Variants in CLYBL observed in about 807,000 individuals in gnomAD.
CLYBL encodes citramalyl-CoA lyase, mitochondrial.
In CLYBL, 31 loss-of-function variants were observed where a neutral mutation model predicts 38.9. That is an observed-to-expected ratio of 0.80 (90% CI 0.60 to 1.08). The LOEUF is 1.08. Among genes scored for constraint, CLYBL ranks in the 50% least tolerant of loss-of-function variants. The pLI is 0.00. For synonymous variants in CLYBL, 171 were observed against 158.6 expected (o/e 1.08, Z -0.59); for missense variants, 434 against 411.6 (o/e 1.05, Z -0.47).
chr13:99,737,304 T>C (rs1016588577), intron 1 of CLYBL, among the ~76,000 whole-genome samples: 3 of 152,214 alleles, frequency 2.0e-5, no homozygotes, highest in Non-Finnish European at 4.4e-5. Context: ...GGGGCAAGTG[T>C]CTTCTCAGCC....
At chr13:99,639,659 G>A (rs2047067156) in intron 1 of CLYBL, among the ~76,000 whole-genome samples, 2 of 152,186 alleles carry the variant, frequency 1.3e-5, no homozygotes, top group Admixed American at 1.3e-4. Context: ...TTGGGAGACC[G>A]AGGTAGGAGG....
At chr13:99,746,169 A>G (rs572600273) in intron 1 of CLYBL, among the ~76,000 whole-genome samples, 1 of 152,082 alleles carries the variant, frequency 6.6e-6, no homozygotes, top group Non-Finnish European at 1.5e-5. Flanking sequence ...CATTAATTTG[A>G]CACGTTTAGC....
chr13:99,725,002 C>T (rs1446869498), intron 1 of CLYBL, among the ~76,000 whole-genome samples: 1 of 152,162 alleles, frequency 6.6e-6, no homozygotes, highest in African/African-American at 2.4e-5. Flanking sequence ...TAGATAATTT[C>T]AGTCAATTTG....
At chr13:99,835,012 C>T (rs988626692) in intron 2 of CLYBL, among the ~76,000 whole-genome samples, 11 of 152,338 alleles carry the variant, frequency 7.2e-5, no homozygotes, top group African/African-American at 2.6e-4. Context: ...CTTCCTAACA[C>T]ACACAGTGAG....
At chr13:99,864,760 C>A in intron 4 of CLYBL, 58 bp from the exon 5 acceptor site, 1 of 1,189,242 alleles carries the variant, frequency 8.4e-7, no homozygotes, top group Non-Finnish European at 1.3e-6. Context: ...TGCACCGTGC[C>A]TCTTCCCTCT....
chr13:99,608,261 C>A (rs150805033), intron 1 of CLYBL, among the ~76,000 whole-genome samples: 6,132 of 151,634 alleles, frequency 0.04, 428 homozygotes, highest in African/African-American at 0.14. Context: ...TTAATAGAGA[C>A]GAGGTTTCAC....
chr13:99,676,207 T>TC (rs2047645570), intron 1 of CLYBL, among the ~76,000 whole-genome samples: 1 of 73,530 alleles, frequency 1.4e-5, no homozygotes. Context: ...CTTCCTTCCT[T>TC]CCTTCCTTCC....
chr13:99,716,395 C>CTT (rs71689410), intron 1 of CLYBL, among the ~76,000 whole-genome samples: 1 of 135,266 alleles, frequency 7.4e-6, no homozygotes, highest in South Asian at 2.4e-4. Context: ...CTTTTCTTTT[C>CTT]TTTTTTTTTT....
chr13:99,777,216 A>T (rs1453908064), intron 2 of CLYBL, among the ~76,000 whole-genome samples: 1 of 152,116 alleles, frequency 6.6e-6, no homozygotes, highest in Non-Finnish European at 1.5e-5. Context: ...GAATGTGCTT[A>T]TTCAGAAACC....
intron 2 of CLYBL, among the ~76,000 whole-genome samples, chr13:99,833,003 C>CATATATAT (rs1566345646): frequency 1.6e-4 from 12 of 73,300 alleles, no homozygotes; most frequent in African/African-American, 5.3e-4. Context: ...TACATACATA[C>CATATATAT]ATACATATAT....
chr13:99,626,446 G>T (rs1345103109), intron 1 of CLYBL, among the ~76,000 whole-genome samples: 1 of 152,146 alleles, frequency 6.6e-6, no homozygotes, highest in Admixed American at 6.5e-5. Flanking sequence ...ATCTCTTTCG[G>T]CCTCCATCAA....
chr13:99,775,398 G>A (rs2049490897), intron 2 of CLYBL, among the ~76,000 whole-genome samples: 1 of 152,172 alleles, frequency 6.6e-6, no homozygotes, highest in Non-Finnish European at 1.5e-5. Flanking sequence ...CCATCTTGAA[G>A]TACATATGTC....
intron 1 of CLYBL, among the ~76,000 whole-genome samples, chr13:99,678,724 T>C (rs981469389): frequency 6.6e-6 from 1 of 152,176 alleles, no homozygotes; most frequent in Non-Finnish European, 1.5e-5. Flanking sequence ...GAGACTTACA[T>C]TGTGGGTTTG....
intron 1 of CLYBL, among the ~76,000 whole-genome samples, chr13:99,661,066 T>G (rs1182031895): frequency 6.6e-6 from 1 of 152,188 alleles, no homozygotes; most frequent in Non-Finnish European, 1.5e-5. Context: ...TATGCTATTT[T>G]AATTGAAAAA....
At chr13:99,648,132 T>G (rs1566598576) in intron 1 of CLYBL, among the ~76,000 whole-genome samples, 1 of 152,208 alleles carries the variant, frequency 6.6e-6, no homozygotes, top group South Asian at 2.1e-4. Context: ...CACAGACAAA[T>G]AAAGAAAGTA....
At chr13:99,691,511 C>T (rs7318411) in intron 1 of CLYBL, among the ~76,000 whole-genome samples, 4,835 of 151,732 alleles carry the variant, frequency 0.032, 261 homozygotes, top group African/African-American at 0.11. Context: ...AAATGGGACC[C>T]GAAAGACATT....
At chr13:99,754,748 C>CTTTTTTT (rs35982336) in intron 1 of CLYBL, among the ~76,000 whole-genome samples, 1 of 124,454 alleles carries the variant, frequency 8.0e-6, no homozygotes, top group African/African-American at 3.0e-5. Context: ...CCATGCCCAG[C>CTTTTTTT]TTTTTTTTTT....
intron 1 of CLYBL, among the ~76,000 whole-genome samples, chr13:99,624,277 T>G (rs2046839280): frequency 6.6e-6 from 1 of 152,188 alleles, no homozygotes; most frequent in African/African-American, 2.4e-5. Flanking sequence ...CCCAGCACAG[T>G]GCCTGACACA....
chr13:99,651,310 A>G (rs2047249670), intron 1 of CLYBL, among the ~76,000 whole-genome samples: 1 of 152,254 alleles, frequency 6.6e-6, no homozygotes, highest in South Asian at 2.1e-4. Flanking sequence ...GAGGTGGCTC[A>G]CGCCTGTAAT....
Sources: allele counts gnomAD v4.1 joint callset (sites outside exome capture counted in the v4.1 genomes callset), GRCh38; gene constraint gnomAD v4.1.1; transcripts MANE v1.5; gene names NCBI Gene and HGNC (gene_info 2026-07-23, HGNC 2026-07-21).